UBR4: variants seen among roughly 807,000 people sequenced by gnomAD.
UBR4 encodes the protein ubiquitin protein ligase E3 component n-recognin 4.
Under a neutral mutation model 575.6 loss-of-function variants are expected in UBR4, and 124 were observed. The observed-to-expected ratio is 0.22, with a 90% confidence interval of 0.19 to 0.25. The LOEUF (loss-of-function observed/expected upper bound fraction) is 0.25. Ranked by LOEUF, UBR4 falls within the 10% of genes least tolerant of loss-of-function variation. UBR4 has a pLI of 1.00. For synonymous variants in UBR4, 2,455 were observed against 2,473.7 expected (o/e 0.99, Z 0.22); for missense variants, 4,818 against 6,478.8 (o/e 0.74, Z 8.80).
Position 19,165,001 on chromosome 1 carries a change from G to C in UBR4, c.4313-4C>G, listed in dbSNP as rs758284284. ...CTCGGGTTAGGGCTCTTCTCAGCTAGGAGCAGAACAAGAGGCCAGGGTCAG... is the reference window on the plus strand; with the variant it reads ...CTCGGGTTAGGGCTCTTCTCAGCTACGAGCAGAACAAGAGGCCAGGGTCAG... On this transcript the variant is annotated splice_polypyrimidine_tract_variant and splice_region_variant and intron_variant, in intron 31 of 105. Coordinates refer to ENST00000375254, the MANE Select transcript of UBR4 (RefSeq NM_020765.3). The C allele has an allele frequency of 1.2e-6, 2 of 1,613,856 alleles. No individual in the cohort carries two copies. The highest frequency in any genetic ancestry group is 2.2e-5 in the East Asian group (1 of 44,846).
At chr1:19,176,054 T>A (rs563748426) in intron 20 of UBR4, among the ~76,000 whole-genome samples, 7 of 152,216 alleles carry the variant, frequency 4.6e-5, no homozygotes, top group African/African-American at 1.7e-4. Flanking sequence ...CCCAAAGTGC[T>A]GGGATTACAG....
intron 74 of UBR4, 152 bp downstream of exon 74, chr1:19,115,246 C>A: frequency 8.3e-7 from 1 of 1,205,422 alleles, no homozygotes; most frequent in Non-Finnish European, 1.1e-6. Flanking sequence ...CTTCTTCCTC[C>A]TCCCTTTCTA....
chr1:19,120,187 T>C lies in UBR4; in HGVS notation c.10303A>G (p.Ile3435Val). 1.2e-6 allele frequency: 2 copies of C among 1,614,148 alleles called. No homozygotes were observed. Among genetic ancestry groups the C allele is most frequent in the Non-Finnish European group, 1.7e-6 (2 of 1,179,982 alleles). The change falls in exon 69 of 106, where the codon ATC (isoleucine) becomes GTC (valine). Residue 3435 changes from isoleucine to valine, a missense_variant. Around this residue, in one of 29 missense-constraint regions of UBR4, gnomAD observed 550 missense variants for 791.5 expected, o/e 0.69. Coordinates refer to ENST00000375254, the MANE Select transcript of UBR4 (RefSeq NM_020765.3). Reference sequence around the variant, plus strand: ...ACCAAGCCCTGGCCCTACCTGTAGATGTGCAGTGTCAGACAGTGGGCCTGC... The same window carrying C: ...ACCAAGCCCTGGCCCTACCTGTAGACGTGCAGTGTCAGACAGTGGGCCTGC... ...RWQAHCLTLHIYRNSSKSQQE... is the reference protein window; with the variant it reads ...RWQAHCLTLHVYRNSSKSQQE...
In UBR4 at chr1:19,131,243, T is replaced by C. The variant is rs1300853743; in HGVS notation, c.8907-2169A>G. Among the ~76,000 whole-genome samples, 6 of 102,974 alleles carry C rather than the reference T, an allele frequency of 5.8e-5. No homozygotes were observed. In the South Asian group the frequency reaches 1.7e-3, roughly 30 times the overall value. 67.6% of individuals were successfully genotyped at this position (102,974 alleles called of 152,430 possible). On this transcript the variant is annotated intron_variant, in intron 60 of 105. Transcript: ENST00000375254. Reference sequence around the variant, plus strand: ...ACTCTTACACAGTACTCTTGAAACTTAAAAAAAAAAAAAAAAAAAAAAAAA... The same window carrying C: ...ACTCTTACACAGTACTCTTGAAACTCAAAAAAAAAAAAAAAAAAAAAAAAA...
At position 19,093,092 on chromosome 1, in the gene UBR4, G is replaced by GAAACCAAAA; in HGVS notation, c.14112-175_14112-174insTTTTGGTTT. Reference sequence around the variant, plus strand: ...CTCAGCTGAAAAGCCAGAAAGAAGTGAGTACTCTAAGTAGAAACCAAAAAG... The same window carrying GAAACCAAAA: ...CTCAGCTGAAAAGCCAGAAAGAAGTGAAACCAAAAAGTACTCTAAGTAGAAACCAAAAAG... On this transcript the variant is annotated intron_variant, in intron 96 of 105. Coordinates refer to ENST00000375254, the MANE Select transcript of UBR4 (RefSeq NM_020765.3). This position sits in a 1 kb window ranked among gnomAD's most constrained non-coding sequence, Gnocchi z 4.8. 6.6e-6 allele frequency among the ~76,000 whole-genome samples: 1 copy of GAAACCAAAA among 152,224 alleles called. No homozygotes were observed. The highest frequency in any genetic ancestry group is 1.9e-4 in the East Asian group (1 of 5,198).
In UBR4 at chr1:19,175,054, T is replaced by G. The variant is rs372813835; in HGVS notation, c.2774-21A>C. On this transcript the variant is annotated intron_variant, in intron 20 of 105. Transcript: ENST00000375254. ...AGCATCTGAAAAGTAATATGCTGAT[T>G]AAAAGAATGGTTCCATTCTTAACTC... is the stretch of plus-strand genomic sequence containing the variant. 144 of 1,599,230 alleles carry G rather than the reference T, an allele frequency of 9.0e-5. No homozygotes were observed. The African/African-American group carries it at 1.5e-3, about 17-fold the overall frequency.
At chr1:19,159,666 G>C (rs1000899748) in intron 39 of UBR4, among the ~76,000 whole-genome samples, 1 of 149,242 alleles carries the variant, frequency 6.7e-6, no homozygotes, top group African/African-American at 2.5e-5. Flanking sequence ...GCAGTGCTAC[G>C]ATCTCAGCTC....
At position 19,096,554 on chromosome 1, in the gene UBR4, C is replaced by T. The variant is rs577744006; in HGVS notation, c.13487G>A (p.Arg4496Lys). 5 of 1,613,348 alleles carry T rather than the reference C, an allele frequency of 3.1e-6. No homozygotes were observed. The East Asian group carries it at 6.7e-5, about 22-fold the overall frequency. Reference protein sequence around the residue: ...ECMLNRLAGIRDFKQGRHLLT... With the variant: ...ECMLNRLAGIKDFKQGRHLLT... Reference sequence around the variant, plus strand: ...AAGGTGGCGTCCCTGCTTGAAATCTCTGATCCCTGCGAGTCTGTTAAGCAT... The same window carrying T: ...AAGGTGGCGTCCCTGCTTGAAATCTTTGATCCCTGCGAGTCTGTTAAGCAT... Residue 4496 changes from arginine (R) to lysine (K), a missense_variant, in exon 92 of 106, where the codon AGA becomes AAA. Around this residue, in one of 29 missense-constraint regions of UBR4, gnomAD observed 165 missense variants for 282.3 expected, o/e 0.58. Coordinates refer to ENST00000375254, the MANE Select transcript of UBR4 (RefSeq NM_020765.3).
At chr1:19,109,988 G>T (rs2079659631) in intron 81 of UBR4, 108 bp downstream of exon 81, 2 of 1,529,378 alleles carry the variant, frequency 1.3e-6, no homozygotes, top group African/African-American at 1.4e-5. Context: ...CTCAGGGGAG[G>T]TGGGCTCAAG....
At chr1:19,107,675 C>A (rs1375857947) in intron 81 of UBR4, among the ~76,000 whole-genome samples, 1 of 151,876 alleles carries the variant, frequency 6.6e-6, no homozygotes, top group Non-Finnish European at 1.5e-5. Flanking sequence ...GTCCCAGCTA[C>A]TAAGGGGGCT....
Position 19,187,443 on chromosome 1 carries a change from T to C in UBR4, c.1492A>G (p.Lys498Glu). ...FQDLQVEALHKGWETDGPPAA... is the reference protein window; with the variant it reads ...FQDLQVEALHEGWETDGPPAA... ...TACCATGGGGATAACCTCCTCACCTTGTGAAGGGCCTCCACTTGTAGGTCT... is the reference window on the plus strand; with the variant it reads ...TACCATGGGGATAACCTCCTCACCTCGTGAAGGGCCTCCACTTGTAGGTCT... The change falls in exon 12 of 106, where the codon AAG becomes GAG. Residue 498 changes from lysine (K) to glutamate (E), a missense_variant and splice_region_variant. Lys to Glu is a moderately conservative substitution (Grantham distance 56, BLOSUM62 1). Around this residue, in one of 29 missense-constraint regions of UBR4, gnomAD observed 162 missense variants for 216.4 expected, o/e 0.75. Coordinates refer to ENST00000375254, the MANE Select transcript of UBR4 (RefSeq NM_020765.3). The C allele has an allele frequency of 6.2e-7, 1 of 1,614,096 alleles. No individual in the cohort carries two copies. The highest frequency in any genetic ancestry group is 8.5e-7 in the Non-Finnish European group (1 of 1,180,002).
At chr1:19,184,997 AC>A in intron 15 of UBR4, 101 bp downstream of exon 15, 1 of 1,398,152 alleles carries the variant, frequency 7.2e-7, no homozygotes, top group Non-Finnish European at 1.0e-6. Flanking sequence ...TTTAAACATT[AC>A]AGTTATCCAA....
chr1:19,128,860 A>G lies in UBR4; in HGVS notation c.9003+118T>C, dbSNP rs2082106986. 7 of 833,840 alleles carry G rather than the reference A, an allele frequency of 8.4e-6. No homozygotes were observed. In the South Asian group the frequency reaches 1.1e-4, roughly 13 times the overall value. The allele number at this position is 833,840 out of a possible 1,614,324, so 51.7% of individuals were successfully genotyped here. ...ATTTGTAGCTCAAAAATTAGATTTC[A>G]TTATTCTGTGGCCTAACACCAAACG... On this transcript the variant is annotated intron_variant, in intron 61 of 105. Transcript: ENST00000375254.
At chr1:19,166,322 A>G (rs1270107556) in intron 29 of UBR4, among the ~76,000 whole-genome samples, 4 of 152,122 alleles carry the variant, frequency 2.6e-5, no homozygotes, top group Non-Finnish European at 1.5e-5. Flanking sequence ...CCCATTCCAC[A>G]CTCATTTCAG....
In UBR4 at chr1:19,134,086, T is replaced by TAAAAAAAAAAAA. The variant is rs71030132; in HGVS notation, c.8906+3909_8906+3920dup. Among the ~76,000 whole-genome samples, 35 of 52,510 alleles carry TAAAAAAAAAAAA rather than the reference T, an allele frequency of 6.7e-4. 1 individual carries two copies. Among genetic ancestry groups the TAAAAAAAAAAAA allele is most frequent in the African/African-American group, 2.9e-3 (34 of 11,578 alleles). The allele number at this position is 52,510 out of a possible 152,430, so 34.4% of individuals were successfully genotyped here. A position where few individuals can be genotyped will look rare whatever the true frequency, so the allele number is the denominator to read the frequency against. ...GGGCAAGAGAGTGAGACTCTGTCTCTAAAAAAAAAAAAAAAAAAAAAAAAA... is the reference window on the plus strand; with the variant it reads ...GGGCAAGAGAGTGAGACTCTGTCTCTAAAAAAAAAAAAAAAAAAAAAAAAAAAAAAAAAAAAA... On this transcript the variant is annotated intron_variant, in intron 60 of 105. Coordinates refer to ENST00000375254, the MANE Select transcript of UBR4 (RefSeq NM_020765.3).
At chr1:19,187,846 T>C (rs1253629250) in intron 11 of UBR4, among the ~76,000 whole-genome samples, 4 of 151,930 alleles carry the variant, frequency 2.6e-5, no homozygotes, top group African/African-American at 7.3e-5. Flanking sequence ...AGAGGATCAC[T>C]TATGCCCAGC....
Position 19,174,966 on chromosome 1 carries a change from T to C in UBR4, c.2841A>G (p.Arg947=). Residue 947 remains arginine (R), a synonymous_variant, in exon 21 of 106, where the codon CGA becomes CGG. Coordinates refer to ENST00000375254, the MANE Select transcript of UBR4 (RefSeq NM_020765.3). ...AAATTCCTAGTACCACAGAATCAAG[T>C]CGGTTCAAATCATCCTCTGAGGCTT... is the stretch of plus-strand genomic sequence containing the variant. The part of the protein sequence containing the change: ...SPEASEDDLN[R]LDSVACDVLF... 6.2e-7 allele frequency: 1 copy of C among 1,613,882 alleles called. No homozygotes were observed. Among genetic ancestry groups the C allele is most frequent in the Non-Finnish European group, 8.5e-7 (1 of 1,179,872 alleles).
chr1:19,161,294 A>G (rs1454774315), intron 37 of UBR4, 147 bp from the exon 38 acceptor site: 1 of 793,790 alleles, frequency 1.3e-6, no homozygotes, highest in African/African-American at 1.7e-5. Context: ...TGATCTTCAT[A>G]GTATTCACCT....
chr1:19,147,022 G>A, intron 51 of UBR4, 22 bp from the exon 52 acceptor site: 1 of 1,572,396 alleles, frequency 6.4e-7, no homozygotes, highest in Non-Finnish European at 8.7e-7. Context: ...CAGGAGCACA[G>A]AGGGTCAGCC....
Sources: gnomAD v4.1 joint callset for allele counts (sites outside exome capture counted in the v4.1 genomes callset) on GRCh38, gnomAD v4.1.1 for gene constraint, gnomAD v4.1.1 regional missense constraint, Gnocchi (gnomAD v3.1) non-coding constraint, MANE v1.5 for transcripts, NCBI Gene and HGNC (gene_info 2026-07-23, HGNC 2026-07-21) for gene names.